The following FBLN7 variants were observed in gnomAD, a reference collection of about 807,000 sequenced individuals.
FBLN7 encodes fibulin 7.
In FBLN7, 31 loss-of-function variants were observed where a neutral mutation model predicts 44.0. The observed-to-expected ratio is 0.70, with a 90% CI of 0.53 to 0.95. FBLN7 has a LOEUF of 0.95. Among genes scored for constraint, FBLN7 ranks in the 40% least tolerant of loss-of-function variants. The probability of loss-of-function intolerance (pLI) is 0.00; values close to 1 mark genes in which losing one functional copy is unlikely to be tolerated. For synonymous variants in FBLN7, 262 were observed against 253.4 expected (o/e 1.03, Z -0.32); for missense variants, 573 against 618.5 (o/e 0.93, Z 0.78).
At position 112,187,574 on chromosome 2, in the gene FBLN7, G is replaced by A. The variant is rs1038246257; in HGVS notation, c.*68G>A. The A allele has an allele frequency of 1.3e-6, 2 of 1,566,120 alleles. No homozygotes were observed. The highest frequency in any genetic ancestry group is 8.7e-7 in the Non-Finnish European group (1 of 1,153,510). Reference sequence around the variant, plus strand: ...CTCTTCCCCGAAGGCTCAGCTTCGGGCACCGACTGCGTGGAGCCTCCCGCC... The same window carrying A: ...CTCTTCCCCGAAGGCTCAGCTTCGGACACCGACTGCGTGGAGCCTCCCGCC... On this transcript the variant is annotated 3_prime_UTR_variant, in exon 8 of 8. Coordinates refer to ENST00000331203, the MANE Select transcript of FBLN7 (RefSeq NM_153214.3). The surrounding 1 kb of genome is among the most constrained non-coding windows in gnomAD (Gnocchi z 5.1).
chr2:112,234,214 T>C, the FBLN7 span: 2 of 1,608,102 alleles, frequency 1.2e-6, no homozygotes, highest in Non-Finnish European at 1.7e-6. Context: ...CAAATGCTGC[T>C]GCTTCTCTTT....
At chr2:112,189,667 C>T (rs1347386843), downstream of FBLN7, 2 of 152,190 alleles carry the variant, frequency 1.3e-5, no homozygotes, top group Non-Finnish European at 2.9e-5. Context: ...AAGTTGCAAA[C>T]ATATGCAAAA....
intron 2 of FBLN7, 129 bp downstream of exon 2, chr2:112,159,964 G>C (rs920363172): frequency 2.7e-5 from 17 of 630,740 alleles, no homozygotes; most frequent in African/African-American, 1.7e-4. Context: ...TCCAACTGTG[G>C]CCCCCCCTTT....
chr2:112,172,899 G>T (rs866215305), intron 3 of FBLN7, among the ~76,000 whole-genome samples: 1 of 152,152 alleles, frequency 6.6e-6, no homozygotes, highest in African/African-American at 2.4e-5. Flanking sequence ...CTCCCAAAGT[G>T]CTGGGATTAC....
chr2:112,140,850 T>G (rs1031336523), intron 1 of FBLN7, among the ~76,000 whole-genome samples: 4 of 152,236 alleles, frequency 2.6e-5, no homozygotes, highest in African/African-American at 9.6e-5. Flanking sequence ...TGCGACTACA[T>G]TTTCTTAAAC....
intron 4 of FBLN7, among the ~76,000 whole-genome samples, chr2:112,178,177 G>GA (rs1365388726): frequency 7.0e-6 from 1 of 142,620 alleles, no homozygotes; most frequent in Non-Finnish European, 1.5e-5. Flanking sequence ...CAAAAAGAAA[G>GA]AAAGAGAGAG....
chr2:112,142,130 C>G (rs1680678724), intron 1 of FBLN7, among the ~76,000 whole-genome samples: 1 of 152,162 alleles, frequency 6.6e-6, no homozygotes, highest in Middle Eastern at 3.2e-3. Flanking sequence ...ACCCTCAACC[C>G]TGTCCGGGCA....
At chr2:112,195,932 C>T in the FBLN7 span, among the ~76,000 whole-genome samples, 160 of 152,302 alleles carry the variant, frequency 1.1e-3, no homozygotes, top group Middle Eastern at 3.4e-3. Flanking sequence ...GATAGGCTGG[C>T]ACTCTGTGCC....
chr2:112,140,974 T>C (rs1297378792), intron 1 of FBLN7, among the ~76,000 whole-genome samples: 1 of 152,234 alleles, frequency 6.6e-6, no homozygotes, highest in Non-Finnish European at 1.5e-5. Flanking sequence ...ATGTTAACCA[T>C]TAGCAACTGA....
rs542705478 is a variant in FBLN7 at position 112,160,847 on chromosome 2, C to T, written c.235+1012C>T. On this transcript the variant is annotated intron_variant, in intron 2 of 7. Coordinates refer to ENST00000331203, the MANE Select transcript of FBLN7 (RefSeq NM_153214.3). ...AAGCACGCATACACGCACGCACACG[C>T]GCACACACACACACACACACTCAGC... is the stretch of plus-strand genomic sequence containing the variant. Among the ~76,000 whole-genome samples the T allele has an allele frequency of 9.3e-5, 10 of 107,966 alleles. No homozygotes were observed. In the East Asian group the frequency reaches 1.7e-3, roughly 18 times the overall value. The allele number at this position is 107,966 out of a possible 152,430, so 70.8% of individuals were successfully genotyped here.
chr2:112,200,189 C>T, the FBLN7 span, among the ~76,000 whole-genome samples: 5 of 152,124 alleles, frequency 3.3e-5, no homozygotes, highest in Admixed American at 6.5e-5. Flanking sequence ...AACTGCAATC[C>T]CTGATCCACT....
chr2:112,172,721 C>T (rs1187822590), intron 3 of FBLN7, among the ~76,000 whole-genome samples: 4 of 149,844 alleles, frequency 2.7e-5, no homozygotes, highest in Non-Finnish European at 5.9e-5. Flanking sequence ...CAACCTCTGC[C>T]TCCTGGCTTC....
the FBLN7 span, among the ~76,000 whole-genome samples, chr2:112,236,924 T>C: frequency 6.6e-6 from 1 of 152,034 alleles, no homozygotes; most frequent in Non-Finnish European, 1.5e-5. Context: ...GGTGTGGTGG[T>C]GCACGCCTGT....
chr2:112,217,684 C>G, the FBLN7 span, among the ~76,000 whole-genome samples: 6 of 152,144 alleles, frequency 3.9e-5, no homozygotes, highest in East Asian at 1.2e-3. Context: ...TCTTTAGGTA[C>G]AGGAAAGCTT....
intron 3 of FBLN7, among the ~76,000 whole-genome samples, chr2:112,170,451 C>T (rs543748954): frequency 1.5e-4 from 22 of 150,218 alleles, no homozygotes; most frequent in African/African-American, 4.2e-4. Flanking sequence ...CACTTGAACC[C>T]GGGAGGCAGA....
chr2:112,226,601 A>AAAAAAAAAG, the FBLN7 span, among the ~76,000 whole-genome samples: 1 of 151,142 alleles, frequency 6.6e-6, no homozygotes, highest in Non-Finnish European at 1.5e-5. Flanking sequence ...AAAAAAAAAA[A>AAAAAAAAAG]AAAAGCTCAG....
chr2:112,233,283 C>A, the FBLN7 span: 3 of 1,591,898 alleles, frequency 1.9e-6, no homozygotes, highest in Admixed American at 1.8e-5. Context: ...ACAGTTTTCA[C>A]CTCTGGTACA....
At chr2:112,238,033 C>T in the FBLN7 span, among the ~76,000 whole-genome samples, 1 of 152,176 alleles carries the variant, frequency 6.6e-6, no homozygotes, top group Non-Finnish European at 1.5e-5. Context: ...TTCACACATG[C>T]AGAGGCCAGG....
chr2:112,237,819 G>A, the FBLN7 span, among the ~76,000 whole-genome samples: 1 of 151,974 alleles, frequency 6.6e-6, no homozygotes, highest in Non-Finnish European at 1.5e-5. Flanking sequence ...CACCAGCCTC[G>A]GCCTTCCAAA....
Sources: allele counts gnomAD v4.1 joint callset (sites outside exome capture counted in the v4.1 genomes callset), GRCh38; gene constraint gnomAD v4.1.1; non-coding constraint Gnocchi (gnomAD v3.1); transcripts MANE v1.5; gene names NCBI Gene and HGNC (gene_info 2026-07-23, HGNC 2026-07-21).